CFAP210: variants seen among roughly 807,000 people sequenced by gnomAD.
CFAP210 encodes the protein cilia- and flagella- associated protein 210.
At chr2:169,660,263 G>A in the CFAP210 span, among the ~76,000 whole-genome samples, 5 of 151,718 alleles carry the variant, frequency 3.3e-5, no homozygotes, top group Non-Finnish European at 4.4e-5. Context: ...GGTGGTGCGT[G>A]CCTGTAATCC....
At chr2:169,678,359 A>AG in the CFAP210 span, among the ~76,000 whole-genome samples, 680 of 145,816 alleles carry the variant, frequency 4.7e-3, 17 homozygotes, top group African/African-American at 0.015. Flanking sequence ...AAAAAAAAAA[A>AG]AAAAGAAAGA....
chr2:169,670,897 C>T, the CFAP210 span, among the ~76,000 whole-genome samples: 1 of 152,288 alleles, frequency 6.6e-6, no homozygotes, highest in African/African-American at 2.4e-5. Context: ...GGGCTCCATC[C>T]TCTGAAGGAA....
At chr2:169,657,251 A>G in the CFAP210 span, among the ~76,000 whole-genome samples, 1 of 152,166 alleles carries the variant, frequency 6.6e-6, no homozygotes, top group Non-Finnish European at 1.5e-5. Context: ...TCTAAGAAAT[A>G]AAACAATAAA....
the CFAP210 span, chr2:169,649,432 G>A: frequency 4.9e-6 from 6 of 1,231,628 alleles, no homozygotes; most frequent in Non-Finnish European, 6.8e-6. Flanking sequence ...GAGAGTTGAA[G>A]CAGAGGAGAG....
chr2:169,665,157 C>T, the CFAP210 span, among the ~76,000 whole-genome samples: 3 of 152,132 alleles, frequency 2.0e-5, no homozygotes, highest in African/African-American at 7.2e-5. Context: ...TTCCAGGAGC[C>T]TTCTTATCAG....
the CFAP210 span, chr2:169,653,982 T>C: frequency 3.1e-6 from 4 of 1,301,202 alleles, no homozygotes; most frequent in African/African-American, 4.5e-5. Context: ...ATATATAAAA[T>C]AAGATCTCTG....
chr2:169,664,935 A>G, the CFAP210 span, among the ~76,000 whole-genome samples: 3 of 152,220 alleles, frequency 2.0e-5, no homozygotes, highest in African/African-American at 7.2e-5. Flanking sequence ...CCACTACCCA[A>G]AATTTGGTTC....
the CFAP210 span, chr2:169,674,729 G>C: frequency 6.3e-7 from 1 of 1,598,620 alleles, no homozygotes; most frequent in African/African-American, 1.4e-5. Context: ...TTCAATCTGG[G>C]CATCACGTTC....
At chr2:169,674,892 T>C in the CFAP210 span, 1 of 1,519,912 alleles carries the variant, frequency 6.6e-7, no homozygotes. Flanking sequence ...TCTTTCTGTC[T>C]GGTAAAATTG....
At chr2:169,694,322 G>A in the CFAP210 span, 2 of 1,613,896 alleles carry the variant, frequency 1.2e-6, no homozygotes, top group Non-Finnish European at 1.7e-6. Flanking sequence ...CTGACGAGGT[G>A]TCCATGATGC....
At chr2:169,679,306 G>A in the CFAP210 span, among the ~76,000 whole-genome samples, 18 of 152,294 alleles carry the variant, frequency 1.2e-4, no homozygotes, top group African/African-American at 4.3e-4. Context: ...AGGATTTGGT[G>A]TGCAGATAAT....
At chr2:169,665,246 TTCTC>T in the CFAP210 span, among the ~76,000 whole-genome samples, 1 of 152,194 alleles carries the variant, frequency 6.6e-6, no homozygotes, top group African/African-American at 2.4e-5. Flanking sequence ...CCAAACTGAG[TTCTC>T]TCTCTCTATT....
At chr2:169,650,508 G>T in the CFAP210 span, 2 of 1,567,812 alleles carry the variant, frequency 1.3e-6, no homozygotes, top group Non-Finnish European at 1.7e-6. Context: ...CTTTCTCTTC[G>T]TTTCTCCATA....
chr2:169,693,996 C>T, the CFAP210 span, among the ~76,000 whole-genome samples: 2 of 151,924 alleles, frequency 1.3e-5, no homozygotes, highest in African/African-American at 4.8e-5. Context: ...GTGGGGGTCT[C>T]TGATTTCCTA....
the CFAP210 span, among the ~76,000 whole-genome samples, chr2:169,663,372 AT>A: frequency 9.2e-5 from 14 of 151,562 alleles, no homozygotes; most frequent in South Asian, 2.1e-4. Context: ...CTTTAAAAAA[AT>A]TTTTTTCTAT....
chr2:169,685,595 T>C, the CFAP210 span, among the ~76,000 whole-genome samples: 1 of 152,170 alleles, frequency 6.6e-6, no homozygotes, highest in Non-Finnish European at 1.5e-5. Context: ...GTATTAATAC[T>C]AAAGTTTTTA....
At chr2:169,660,666 C>T in the CFAP210 span, among the ~76,000 whole-genome samples, 2 of 150,686 alleles carry the variant, frequency 1.3e-5, no homozygotes, top group Admixed American at 6.6e-5. Context: ...TGCAGTGGCA[C>T]GATCTTGACT....
chr2:169,686,657 A>C, the CFAP210 span, among the ~76,000 whole-genome samples: 1 of 152,168 alleles, frequency 6.6e-6, no homozygotes, highest in African/African-American at 2.4e-5. Context: ...TCTCAATTCC[A>C]GCATAAGCCA....
chr2:169,668,649 A>G, the CFAP210 span, among the ~76,000 whole-genome samples: 1 of 152,186 alleles, frequency 6.6e-6, no homozygotes, highest in Admixed American at 6.5e-5. Flanking sequence ...GTTGTGTCTC[A>G]GGGAAGAAGG....
Sources: allele counts gnomAD v4.1 joint callset (sites outside exome capture counted in the v4.1 genomes callset), GRCh38; gene constraint gnomAD v4.1.1; transcripts MANE v1.5; gene names NCBI Gene and HGNC (gene_info 2026-07-23, HGNC 2026-07-21).